CDH18: variants seen among roughly 807,000 people sequenced by gnomAD.
CDH18 encodes the protein cadherin-18.
A neutral mutation model predicts 67.9 loss-of-function variants in CDH18; 31 were observed. The ratio of observed to expected loss-of-function variants is 0.46; its 90% CI spans 0.34 to 0.62. CDH18 has a LOEUF of 0.62. Ranked by LOEUF, CDH18 falls within the 20% of genes least tolerant of loss-of-function variation. The probability of loss-of-function intolerance (pLI) is 0.01; values close to 1 mark genes in which losing one functional copy is unlikely to be tolerated. For missense variants in CDH18, 890 were observed against 975.5 expected, an observed-to-expected ratio of 0.91 and a Z score of 1.17; for synonymous variants, 362 against 347.2, an observed-to-expected ratio of 1.04 and a Z score of -0.48.
intron 1 of CDH18, among the ~76,000 whole-genome samples, chr5:20,258,000 A>G (rs1202345767): frequency 8.0e-6 from 1 of 125,000 alleles, no homozygotes; most frequent in Non-Finnish European, 1.8e-5. Flanking sequence ...TCAGTACTTC[A>G]AAATTTTCTG....
chr5:19,503,581 C>T (rs1281472980), intron 10 of CDH18, among the ~76,000 whole-genome samples: 1 of 152,030 alleles, frequency 6.6e-6, no homozygotes, highest in Non-Finnish European at 1.5e-5. Context: ...AGATCATGAT[C>T]TAGTCCCTGT....
At chr5:19,763,750 A>G (rs2149712798) in intron 3 of CDH18, among the ~76,000 whole-genome samples, 1 of 152,242 alleles carries the variant, frequency 6.6e-6, no homozygotes, top group Non-Finnish European at 1.5e-5. Flanking sequence ...AGCCTGTAAT[A>G]CCTCAAAGTT....
chr5:20,110,172 A>T (rs903624133), intron 2 of CDH18, among the ~76,000 whole-genome samples: 3 of 152,208 alleles, frequency 2.0e-5, no homozygotes, highest in Non-Finnish European at 2.9e-5. Flanking sequence ...TCTTCCACGG[A>T]TCCCACATTG....
intron 1 of CDH18, among the ~76,000 whole-genome samples, chr5:20,347,568 G>C (rs1272651231): frequency 6.6e-6 from 1 of 152,230 alleles, no homozygotes; most frequent in Non-Finnish European, 1.5e-5. Flanking sequence ...AAGAAATGTG[G>C]TTAAGAGCTT....
intron 5 of CDH18, among the ~76,000 whole-genome samples, chr5:19,632,273 C>T (rs902465939): frequency 1.3e-5 from 2 of 152,162 alleles, no homozygotes; most frequent in African/African-American, 2.4e-5. Flanking sequence ...ATTCCTTCCT[C>T]GCCCCCAGTC....
At chr5:20,558,804 G>A (rs1758051401) in intron 1 of CDH18, among the ~76,000 whole-genome samples, 1 of 151,960 alleles carries the variant, frequency 6.6e-6, no homozygotes, top group Non-Finnish European at 1.5e-5. Flanking sequence ...TTGAGGGCCA[G>A]TAAGATTTTT....
intron 1 of CDH18, among the ~76,000 whole-genome samples, chr5:20,429,894 G>A (rs1288579676): frequency 6.6e-5 from 10 of 152,084 alleles, no homozygotes; most frequent in Non-Finnish European, 1.3e-4. Flanking sequence ...ATTCAGCAAA[G>A]TAATTTAATA....
In CDH18 at chr5:20,529,268, G is replaced by GA. The variant is rs202161535; in HGVS notation, c.-580+46193dup. ...TAGTAATAAATAGCCTACCAATGGG[G>GA]AAAAAAAAAAAGCCCAGAACCAGAT... On this transcript the variant is annotated intron_variant, in intron 1 of 14. Transcript: ENST00000507958. Among the ~76,000 whole-genome samples the GA allele has an allele frequency of 7.2e-4, 102 of 142,622 alleles. 1 individual carries two copies. The highest frequency in any genetic ancestry group is 3.6e-3 in the Middle Eastern group (1 of 280). The allele number at this position is 142,622 out of a possible 152,430, so 93.6% of individuals were successfully genotyped here. A position where few individuals can be genotyped will look rare whatever the true frequency, so the allele number is the denominator to read the frequency against.
At chr5:19,932,020 C>A (rs1479824085) in intron 2 of CDH18, among the ~76,000 whole-genome samples, 1 of 151,854 alleles carries the variant, frequency 6.6e-6, no homozygotes, top group African/African-American at 2.4e-5. Flanking sequence ...ATCTTTCACT[C>A]CACTAAAGTA....
intron 1 of CDH18, among the ~76,000 whole-genome samples, chr5:20,541,508 A>C (rs2126589993): frequency 6.6e-6 from 1 of 152,294 alleles, no homozygotes; most frequent in Non-Finnish European, 1.5e-5. Context: ...TACTTTTAAA[A>C]TAATTAAAAC....
chr5:19,517,199 C>G (rs1384849017), intron 10 of CDH18, among the ~76,000 whole-genome samples: 1 of 151,984 alleles, frequency 6.6e-6, no homozygotes, highest in Non-Finnish European at 1.5e-5. Flanking sequence ...TTCTATTTAC[C>G]TAATGTGAAT....
At chr5:20,492,721 C>T (rs1466468229) in intron 1 of CDH18, among the ~76,000 whole-genome samples, 1 of 152,220 alleles carries the variant, frequency 6.6e-6, no homozygotes, top group African/African-American at 2.4e-5. Flanking sequence ...TTGACACATA[C>T]TCATATTAGA....
Position 20,441,715 on chromosome 5 carries a change from T to A in CDH18, c.-580+133747A>T, listed in dbSNP as rs192276647. 2.5e-4 allele frequency among the ~76,000 whole-genome samples: 38 copies of A among 152,060 alleles called. No homozygotes were observed. In the East Asian group the frequency reaches 7.3e-3, roughly 29 times the overall value. ...CAAAATATGAAGCACTATTTTTTTATCATTATTATTTTGTTTTTAGGGAAC... is the reference window on the plus strand; with the variant it reads ...CAAAATATGAAGCACTATTTTTTTAACATTATTATTTTGTTTTTAGGGAAC... On this transcript the variant is annotated intron_variant, in intron 1 of 14. Transcript: ENST00000507958.
intron 2 of CDH18, among the ~76,000 whole-genome samples, chr5:20,126,623 A>C (rs1748851963): frequency 1.3e-5 from 2 of 152,190 alleles, no homozygotes; most frequent in Admixed American, 6.5e-5. Flanking sequence ...GATAACAAAA[A>C]CCAAATTTCC....
intron 3 of CDH18, among the ~76,000 whole-genome samples, chr5:19,751,013 G>A (rs901383192): frequency 4.6e-5 from 7 of 152,018 alleles, no homozygotes; most frequent in Non-Finnish European, 1.0e-4. Flanking sequence ...GGTGAAAAAA[G>A]TAAAAAGAAA....
chr5:20,535,512 C>T (rs1412687417), intron 1 of CDH18, among the ~76,000 whole-genome samples: 2 of 152,004 alleles, frequency 1.3e-5, no homozygotes, highest in African/African-American at 4.8e-5. Flanking sequence ...CTGTGAAGTC[C>T]CTTTTGCCAA....
intron 2 of CDH18, among the ~76,000 whole-genome samples, chr5:20,172,089 A>G (rs1347178886): frequency 2.0e-5 from 3 of 147,604 alleles, no homozygotes; most frequent in African/African-American, 7.5e-5. Flanking sequence ...TTTAGTAACA[A>G]TTGCCTAGTC....
At chr5:19,540,944 C>T (rs756122527) in intron 9 of CDH18, among the ~76,000 whole-genome samples, 15 of 152,220 alleles carry the variant, frequency 9.9e-5, no homozygotes, top group Non-Finnish European at 1.2e-4. Context: ...GCAGCAGGCT[C>T]GAATTTCTTC....
intron 5 of CDH18, among the ~76,000 whole-genome samples, chr5:19,695,449 A>T (rs1369345074): frequency 6.6e-6 from 1 of 152,226 alleles, no homozygotes; most frequent in Non-Finnish European, 1.5e-5. Flanking sequence ...TAATCTGCTT[A>T]TACAGCAGAA....
Sources: gnomAD v4.1 joint callset for allele counts (sites outside exome capture counted in the v4.1 genomes callset) on GRCh38, gnomAD v4.1.1 for gene constraint, MANE v1.5 for transcripts, NCBI Gene and HGNC (gene_info 2026-07-23, HGNC 2026-07-21) for gene names.